Variants in INF2 observed in about 807,000 individuals in gnomAD.
INF2 encodes inverted formin 2.
INF2 carries 43 observed loss-of-function variants against 123.5 expected under a neutral mutation model. The observed-to-expected ratio is 0.35, with a 90% CI of 0.27 to 0.45. INF2 has a LOEUF of 0.45. INF2 is among the 20% of genes least tolerant of loss of function. INF2 has a pLI of 1.00. For synonymous variants in INF2, 851 were observed against 745.0 expected, an observed-to-expected ratio of 1.14 and a Z score of -2.32; for missense variants, 1,453 against 1,682.7, an observed-to-expected ratio of 0.86 and a Z score of 2.39.
intron 5 of INF2, among the ~76,000 whole-genome samples, chr14:104,705,750 C>T (rs1234470850): frequency 6.6e-6 from 1 of 152,202 alleles, no homozygotes; most frequent in Middle Eastern, 3.2e-3. Context: ...GCACGTTACT[C>T]GATGGGAGTG....
At chr14:104,691,992 G>A (rs550673384) in intron 1 of INF2, among the ~76,000 whole-genome samples, 21 of 152,294 alleles carry the variant, frequency 1.4e-4, no homozygotes, top group Non-Finnish European at 2.8e-4. Flanking sequence ...CTGAGGGGCC[G>A]TCCTCTCTCA....
Position 104,707,801 on chromosome 14 carries a change from TG to T in INF2, c.1538del (p.Gly513AlafsTer45). The T allele has an allele frequency of 1.1e-6, 1 of 871,256 alleles. No individual in the cohort carries two copies. Among genetic ancestry groups the T allele is most frequent in the Non-Finnish European group, 1.7e-6 (1 of 588,486 alleles). 54.0% of individuals were successfully genotyped at this position (871,256 alleles called of 1,614,324 possible). ...PPPPLLPGMG[W>X]GPPPPPPPLL... ...CCCACCCCTGCTGCCTGGTATGGGC[TG>T]GGGCCCTCCTCCACCCCCACCTCCA... On this transcript the variant is annotated frameshift_variant, in exon 8 of 23. Coordinates refer to ENST00000392634, the MANE Select transcript of INF2 (RefSeq NM_022489.4). LOFTEE classifies it high-confidence loss of function.
chr14:104,711,081 C>T lies in INF2; in HGVS notation c.2313C>T (p.Gly771=), dbSNP rs982775086. 3 of 1,601,596 alleles carry T rather than the reference C, an allele frequency of 1.9e-6. No individual in the cohort carries two copies. The highest frequency in any genetic ancestry group is 1.7e-5 in the Admixed American group (1 of 58,712). ...GACTCACTCCCTGCCCCTCCCAGGG[C>T]AGCCACACCGGTGACGCCGACGGCT... ...ILRIGNFLNY[G]SHTGDADGFK... Residue 771 remains glycine, a splice_region_variant and synonymous_variant, in exon 15 of 23, where the codon GGC becomes GGT. Transcript: ENST00000392634.
At chr14:104,690,390 G>A (rs1888882875) in intron 1 of INF2, 1 of 152,572 alleles carries the variant, frequency 6.6e-6, no homozygotes, top group Non-Finnish European at 1.5e-5. Flanking sequence ...GGAAGGCGGG[G>A]TGACCAGCTG....
chr14:104,686,942 G>A (rs570599522), upstream of INF2, among the ~76,000 whole-genome samples: 22 of 152,352 alleles, frequency 1.4e-4, 1 homozygote, highest in Admixed American at 1.2e-3. Context: ...GGCCTACAGT[G>A]GCAGGGCCAC....
At chr14:104,692,124 C>T (rs936881423) in intron 1 of INF2, among the ~76,000 whole-genome samples, 6 of 152,178 alleles carry the variant, frequency 3.9e-5, no homozygotes, top group Non-Finnish European at 5.9e-5. Flanking sequence ...TCACCATTCA[C>T]GCCAGCCTGG....
intron 2 of INF2, among the ~76,000 whole-genome samples, chr14:104,702,082 A>G (rs1397733441): frequency 6.6e-6 from 1 of 151,422 alleles, no homozygotes; most frequent in Non-Finnish European, 1.5e-5. Context: ...GCCCTCGTCC[A>G]CACCTCGGCG....
chr14:104,706,457 G>A (rs1889784515), intron 6 of INF2, among the ~76,000 whole-genome samples: 1 of 152,202 alleles, frequency 6.6e-6, no homozygotes, highest in South Asian at 2.1e-4. Context: ...GACCAGTGCG[G>A]CCCACAGCCG....
Position 104,714,364 on chromosome 14 carries a change from G to A in INF2, c.3202G>A (p.Gly1068Ser), listed in dbSNP as rs1361275356. The change falls in exon 21 of 23, where the codon GGT becomes AGT. Residue 1068 changes from glycine (G) to serine (S), a missense_variant. Physicochemically the swap from Gly to Ser is moderately conservative, Grantham distance 56. Transcript: ENST00000392634. ...QPTLEQLEEG[G>S]PRPLERRSSW... ...CACCCTGGAGCAGTTGGAGGAGGGT[G>A]GTCCACGGCCCCTGGAGAGGCGTTC... The A allele has an allele frequency of 6.3e-7, 1 of 1,597,466 alleles. No homozygotes were observed. The highest frequency in any genetic ancestry group is 8.5e-7 in the Non-Finnish European group (1 of 1,172,684).
chr14:104,707,154 C>T, intron 7 of INF2, 99 bp from the exon 8 acceptor site: 2 of 1,508,172 alleles, frequency 1.3e-6, no homozygotes, highest in Non-Finnish European at 8.9e-7. Context: ...CCATCCTCTG[C>T]CCAGGGGAGG....
chr14:104,701,717 A>C lies in INF2; in HGVS notation c.352A>C (p.Ile118Leu). ...GAACTCGCGGCAGGGCATCGAGTAC[A>C]TCCTCAGCAACCAGGGCTACGTGCG... The part of the protein sequence containing the change: ...VMNSRQGIEY[I>L]LSNQGYVRQL... The change falls in exon 2 of 23, where the codon ATC (isoleucine) becomes CTC (leucine). Residue 118 changes from isoleucine (I) to leucine (L), a missense_variant. Around this residue, in one of 8 missense-constraint regions of INF2, gnomAD observed 251 missense variants for 349.4 expected, o/e 0.72. Coordinates refer to ENST00000392634, the MANE Select transcript of INF2 (RefSeq NM_022489.4). 6.5e-7 allele frequency: 1 copy of C among 1,540,552 alleles called. No homozygotes were observed. Among genetic ancestry groups the C allele is most frequent in the Non-Finnish European group, 8.8e-7 (1 of 1,142,814 alleles).
At chr14:104,698,294 CTG>C (rs1889291827) in intron 1 of INF2, among the ~76,000 whole-genome samples, 1 of 152,256 alleles carries the variant, frequency 6.6e-6, no homozygotes, top group Non-Finnish European at 1.5e-5. Flanking sequence ...GATCAGTAAA[CTG>C]TGGATTCCTT....
rs965552255 is a variant in INF2, at chr14:104,703,764, G to A, written c.668-152G>A. 17 of 1,377,764 alleles carry A rather than the reference G, an allele frequency of 1.2e-5. No individual in the cohort carries two copies. The African/African-American group carries it at 2.2e-4, about 18-fold the overall frequency. The allele number at this position is 1,377,764 out of a possible 1,614,324, so 85.3% of individuals were successfully genotyped here. On this transcript the variant is annotated intron_variant, in intron 4 of 22. Coordinates refer to ENST00000392634, the MANE Select transcript of INF2 (RefSeq NM_022489.4). The stretch of plus-strand genomic sequence containing the variant: ...GTGAGCCCTGAGTAAGCATCACTGT[G>A]TGTCCAGCATGATGTCTCCCCTCCA...
intron 22 of INF2, chr14:104,717,572 GC>G (rs1391650815): frequency 1.3e-5 from 2 of 152,292 alleles, no homozygotes; most frequent in African/African-American, 4.8e-5. Flanking sequence ...GAACATTCCT[GC>G]CCCTTTTTGT....
chr14:104,707,151 C>T, intron 7 of INF2, 100 bp downstream of exon 7: 2 of 1,508,914 alleles, frequency 1.3e-6, no homozygotes, highest in Non-Finnish European at 1.8e-6. Flanking sequence ...AACCCATCCT[C>T]TGCCCAGGGG....
At position 104,703,211 on chromosome 14, in the gene INF2, C is replaced by T. The variant is rs756260919; in HGVS notation, c.498C>T (p.Asp166=). The change falls in exon 3 of 23, where the codon GAC becomes GAT. Residue 166 remains aspartate, a synonymous_variant. Coordinates refer to ENST00000392634, the MANE Select transcript of INF2 (RefSeq NM_022489.4). ...ACGTGCTGACCCTGGACGCCCTGGACCACTACAAGGTGGGCGGCAGGGCCT... is the reference window on the plus strand; with the variant it reads ...ACGTGCTGACCCTGGACGCCCTGGATCACTACAAGGTGGGCGGCAGGGCCT... The part of the protein sequence containing the change: ...EGHVLTLDAL[D]HYKTVCSQQY... 3.7e-6 allele frequency: 6 copies of T among 1,613,358 alleles called. No homozygotes were observed. The highest frequency in any genetic ancestry group is 2.5e-6 in the Non-Finnish European group (3 of 1,179,910).
chr14:104,715,627 G>A, intron 22 of INF2: 1 of 589,020 alleles, frequency 1.7e-6, no homozygotes, highest in South Asian at 1.9e-5. Flanking sequence ...GGGCCAGCCG[G>A]ACTCCCTTAG....
intron 8 of INF2, 109 bp downstream of exon 8, chr14:104,708,111 C>G: frequency 6.6e-7 from 1 of 1,524,966 alleles, no homozygotes; most frequent in Non-Finnish European, 8.9e-7. Context: ...CCTGCCCGTG[C>G]GTGGCCAGGG....
At chr14:104,686,499 G>A (rs1888668695), upstream of INF2, among the ~76,000 whole-genome samples, 1 of 152,046 alleles carries the variant, frequency 6.6e-6, no homozygotes, top group African/African-American at 2.4e-5. Flanking sequence ...GGGAATGGAT[G>A]GATGAATGGG....
Sources: gnomAD v4.1 joint callset for allele counts (sites outside exome capture counted in the v4.1 genomes callset) on GRCh38, gnomAD v4.1.1 for gene constraint, gnomAD v4.1.1 regional missense constraint, MANE v1.5 for transcripts, NCBI Gene and HGNC (gene_info 2026-07-23, HGNC 2026-07-21) for gene names.